PCDH12: variants seen among roughly 807,000 people sequenced by gnomAD.
PCDH12 encodes protocadherin 12, also known as protocadherin-12.
A neutral mutation model predicts 70.9 loss-of-function variants in PCDH12; 45 were observed. The observed-to-expected ratio is 0.63, with a 90% CI of 0.50 to 0.81. The LOEUF (loss-of-function observed/expected upper bound fraction) is 0.81, where lower values mean the gene tolerates loss of function less well. PCDH12 is among the 40% of genes least tolerant of loss of function. The pLI, the probability that PCDH12 is intolerant of heterozygous loss-of-function variation, is 0.00. For missense variants in PCDH12, 1,370 were observed against 1,491.7 expected (o/e 0.92, Z 1.34); for synonymous variants, 567 against 626.0 (o/e 0.91, Z 1.41).
chr5:141,947,500 C>G (rs1455295613), intron 3 of PCDH12, among the ~76,000 whole-genome samples: 1 of 152,178 alleles, frequency 6.6e-6, no homozygotes, highest in Non-Finnish European at 1.5e-5. Context: ...CATCACCCAC[C>G]AGTTCTAGCT....
chr5:141,952,952 T>C (rs1350529209), intron 1 of PCDH12: 2 of 152,202 alleles, frequency 1.3e-5, no homozygotes, highest in Non-Finnish European at 2.9e-5. Flanking sequence ...GAAGAGGAGA[T>C]GGCCAGGACT....
In PCDH12 at chr5:141,955,506, C is replaced by G. The variant is rs375566712; in HGVS notation, c.2346G>C (p.Arg782Ser). The change falls in exon 1 of 4, where the codon AGG becomes AGC. Residue 782 changes from arginine to serine, a missense_variant. Physicochemically the swap from Arg to Ser is moderately radical, Grantham distance 110. Coordinates refer to ENST00000231484, the MANE Select transcript of PCDH12 (RefSeq NM_016580.4). This position sits in a 1 kb window ranked among gnomAD's most constrained non-coding sequence, Gnocchi z 5.5. ...KADIHLVPVL[R>S]GQAGEPCEVG... ...CTTCACAAGGCTCACCTGCCTGACC[C>G]CTGAGCACAGGCACGAGGTGGATGT... 3 of 1,614,180 alleles carry G rather than the reference C, an allele frequency of 1.9e-6. No homozygotes were observed. Among genetic ancestry groups the G allele is most frequent in the Non-Finnish European group, 2.5e-6 (3 of 1,180,032 alleles).
In PCDH12 at chr5:141,951,345, A is replaced by G. The variant is rs1025372361; in HGVS notation, c.2978+148T>C. On this transcript the variant is annotated intron_variant, in intron 2 of 3. Transcript: ENST00000231484. ...CAGTCACCTCACGACCAAAACTCCCAGGGTGGGAGGATGGATGCTGTCTGC... is the reference window on the plus strand; with the variant it reads ...CAGTCACCTCACGACCAAAACTCCCGGGGTGGGAGGATGGATGCTGTCTGC... 38 of 638,214 alleles carry G rather than the reference A, an allele frequency of 6.0e-5. No individual in the cohort carries two copies. The African/African-American group carries it at 6.3e-4, about 11-fold the overall frequency. 39.5% of individuals were successfully genotyped at this position (638,214 alleles called of 1,614,324 possible). A position where few individuals can be genotyped will look rare whatever the true frequency, so the allele number is the denominator to read the frequency against.
rs780025761 is a variant in PCDH12 at position 141,957,901 on chromosome 5, G to C, written c.-50C>G. On this transcript the variant is annotated 5_prime_UTR_variant, in exon 1 of 4. Transcript: ENST00000231484. The surrounding 1 kb of genome is among the most constrained non-coding windows in gnomAD (Gnocchi z 4.3). Reference sequence around the variant, plus strand: ...CAGAAACCACTAGAGTTCTTTCAAGGCTGGACAAGTCCTCCAGTGTTTCCT... The same window carrying C: ...CAGAAACCACTAGAGTTCTTTCAAGCCTGGACAAGTCCTCCAGTGTTTCCT... 1.9e-6 allele frequency: 3 copies of C among 1,556,636 alleles called. No individual in the cohort carries two copies. The highest frequency in any genetic ancestry group is 1.7e-6 in the Non-Finnish European group (2 of 1,157,172).
Position 141,957,612 on chromosome 5 carries a change from G to A in PCDH12, c.240C>T (p.Asp80=). Residue 80 remains aspartate, a synonymous_variant, in exon 1 of 4, where the codon GAC becomes GAT. Coordinates refer to ENST00000231484, the MANE Select transcript of PCDH12 (RefSeq NM_016580.4). This position sits in a 1 kb window ranked among gnomAD's most constrained non-coding sequence, Gnocchi z 4.3. ...QLPQALPIQV[D]SEEGLLSTGR... ...CTGTGCTGAGCAAGCCTTCCTCAGA[G>A]TCCACCTGAATGGGGAGCGCCTGAG... The A allele has an allele frequency of 6.2e-7, 1 of 1,614,192 alleles. No individual in the cohort carries two copies. The highest frequency in any genetic ancestry group is 8.5e-7 in the Non-Finnish European group (1 of 1,180,024).
At chr5:141,953,527 A>C (rs1282486967) in intron 1 of PCDH12, among the ~76,000 whole-genome samples, 1 of 152,202 alleles carries the variant, frequency 6.6e-6, no homozygotes, top group Admixed American at 6.5e-5. Context: ...ATCTGACTCT[A>C]TGTGCTGCTG....
At chr5:141,949,689 A>G in intron 2 of PCDH12, 106 bp from the exon 3 acceptor site, 1 of 1,380,104 alleles carries the variant, frequency 7.2e-7, no homozygotes. Context: ...GGAACTGGAT[A>G]CACAGCCTGG....
At position 141,956,306 on chromosome 5, in the gene PCDH12, C is replaced by G; in HGVS notation, c.1546G>C (p.Glu516Gln). ...HLVAIDSNTG[E>Q]VTAQRSLNYE... Reference sequence around the variant, plus strand: ...TTCAGTGACCTCTGAGCAGTGACCTCTCCTGTGTTGGAGTCAATAGCTACT... The same window carrying G: ...TTCAGTGACCTCTGAGCAGTGACCTGTCCTGTGTTGGAGTCAATAGCTACT... Residue 516 changes from glutamate to glutamine, a missense_variant, in exon 1 of 4, where the codon GAG becomes CAG. By Grantham distance (29) the Glu-to-Gln change is conservative (BLOSUM62 2). Coordinates refer to ENST00000231484, the MANE Select transcript of PCDH12 (RefSeq NM_016580.4). The G allele has an allele frequency of 6.2e-7, 1 of 1,614,198 alleles. No homozygotes were observed. Among genetic ancestry groups the G allele is most frequent in the Non-Finnish European group, 8.5e-7 (1 of 1,180,030 alleles).
chr5:141,945,049 A>C lies in PCDH12; in HGVS notation c.*332T>G, dbSNP rs1437264324. The C allele has an allele frequency of 1.3e-5, 4 of 314,148 alleles. No individual in the cohort carries two copies. The highest frequency in any genetic ancestry group is 2.3e-5 in the Non-Finnish European group (4 of 170,486). The allele number at this position is 314,148 out of a possible 1,614,324, so 19.5% of individuals were successfully genotyped here. A position where few individuals can be genotyped will look rare whatever the true frequency, so the allele number is the denominator to read the frequency against. ...ACAGCCCCCTGACTCCTGCTACCCA[A>C]GAAGGCCACCCTTTCCTGCCTGTGA... On this transcript the variant is annotated 3_prime_UTR_variant, in exon 4 of 4. Coordinates refer to ENST00000231484, the MANE Select transcript of PCDH12 (RefSeq NM_016580.4).
chr5:141,950,514 C>G (rs1753057885), intron 2 of PCDH12, among the ~76,000 whole-genome samples: 1 of 152,166 alleles, frequency 6.6e-6, no homozygotes, highest in Non-Finnish European at 1.5e-5. Flanking sequence ...GTAAGGGGTT[C>G]TCTTTAATCA....
chr5:141,954,513 T>G (rs1421750613), intron 1 of PCDH12, among the ~76,000 whole-genome samples: 1 of 152,188 alleles, frequency 6.6e-6, no homozygotes, highest in Non-Finnish European at 1.5e-5. Context: ...ATGGGTGGTG[T>G]TAACATAGAC....
At chr5:141,949,678 G>C in intron 2 of PCDH12, 95 bp from the exon 3 acceptor site, 1 of 1,460,416 alleles carries the variant, frequency 6.8e-7, no homozygotes, top group Non-Finnish European at 9.3e-7. Context: ...TACCCATATA[G>C]GGAACTGGAT....
Position 141,957,147 on chromosome 5 carries a change from C to G in PCDH12, c.705G>C (p.Leu235Phe), listed in dbSNP as rs185425542. ...SGTSLVKVNVLDSNDNSPAFA... is the reference protein window; with the variant it reads ...SGTSLVKVNVFDSNDNSPAFA... ...ACGCAGGGCTATTGTCATTGGAGTC[C>G]AAGACGTTGACCTTGACCAAGCTGG... is the stretch of plus-strand genomic sequence containing the variant. The change falls in exon 1 of 4, where the codon TTG (leucine) becomes TTC (phenylalanine). Residue 235 changes from leucine (L) to phenylalanine (F), a missense_variant. By Grantham distance (22) the Leu-to-Phe change is conservative. Transcript: ENST00000231484. This position sits in a 1 kb window ranked among gnomAD's most constrained non-coding sequence, Gnocchi z 4.3. 1.3e-5 allele frequency: 21 copies of G among 1,613,988 alleles called. No homozygotes were observed. Among genetic ancestry groups the G allele is most frequent in the Non-Finnish European group, 1.8e-5 (21 of 1,180,006 alleles).
Position 141,955,796 on chromosome 5 carries a change from G to T in PCDH12, c.2056C>A (p.Gln686Lys). The change falls in exon 1 of 4, where the codon CAG (glutamine) becomes AAG (lysine). Residue 686 changes from glutamine (Q) to lysine (K), a missense_variant. Coordinates refer to ENST00000231484, the MANE Select transcript of PCDH12 (RefSeq NM_016580.4). The surrounding 1 kb of genome is among the most constrained non-coding windows in gnomAD (Gnocchi z 5.5). ...VVEDQGSPPLQTRALLRVMFV... is the reference protein window; with the variant it reads ...VVEDQGSPPLKTRALLRVMFV... ...ATGACCCTCAACAGGGCTCGGGTCTGTAAGGGGGGGCTTCCCTGGTCCTCT... is the reference window on the plus strand; with the variant it reads ...ATGACCCTCAACAGGGCTCGGGTCTTTAAGGGGGGGCTTCCCTGGTCCTCT... 6.2e-7 allele frequency: 1 copy of T among 1,613,914 alleles called. No individual in the cohort carries two copies. Among genetic ancestry groups the T allele is most frequent in the East Asian group, 2.2e-5 (1 of 44,864 alleles).
In PCDH12 at chr5:141,944,144, C is replaced by G. The variant is rs952275576; in HGVS notation, c.*1237G>C. On this transcript the variant is annotated 3_prime_UTR_variant, in exon 4 of 4. Transcript: ENST00000231484. ...GAAAATATCTGCTGTTTCTTCCCTCCCCCATCCCCTGGAAGGCTGGCTGCT... is the reference window on the plus strand; with the variant it reads ...GAAAATATCTGCTGTTTCTTCCCTCGCCCATCCCCTGGAAGGCTGGCTGCT... The G allele has an allele frequency of 2.6e-5, 4 of 152,252 alleles. No homozygotes were observed. The highest frequency in any genetic ancestry group is 5.9e-5 in the Non-Finnish European group (4 of 68,096). 9.4% of individuals were successfully genotyped at this position (152,252 alleles called of 1,614,324 possible).
Position 141,955,561 on chromosome 5 carries a change from T to C in PCDH12, c.2291A>G (p.Lys764Arg). 6.2e-7 allele frequency: 1 copy of C among 1,614,186 alleles called. No individual in the cohort carries two copies. Reference protein sequence around the residue: ...EAESTYRQQPKRPQKHIQKAD... With the variant: ...EAESTYRQQPRRPQKHIQKAD... ...CTTCTGAATGTGTTTCTGGGGCCTC[T>C]TGGGCTGCTGGCGGTAGGTGGACTC... is the stretch of plus-strand genomic sequence containing the variant. Residue 764 changes from lysine (K) to arginine (R), a missense_variant, in exon 1 of 4, where the codon AAG (lysine) becomes AGG (arginine). Transcript: ENST00000231484. This position sits in a 1 kb window ranked among gnomAD's most constrained non-coding sequence, Gnocchi z 5.5.
chr5:141,946,618 C>T (rs1752937177), intron 3 of PCDH12, among the ~76,000 whole-genome samples: 1 of 152,234 alleles, frequency 6.6e-6, no homozygotes, highest in Non-Finnish European at 1.5e-5. Flanking sequence ...AACATCATCT[C>T]TCAAGCTGCT....
intron 1 of PCDH12, among the ~76,000 whole-genome samples, chr5:141,953,669 A>G (rs555171767): frequency 6.6e-6 from 1 of 152,360 alleles, no homozygotes; most frequent in Admixed American, 6.5e-5. Flanking sequence ...AGCAGCCAGC[A>G]CAGTGTTCAG....
chr5:141,947,421 T>C (rs902592790), intron 3 of PCDH12, among the ~76,000 whole-genome samples: 3 of 151,944 alleles, frequency 2.0e-5, no homozygotes, highest in Non-Finnish European at 4.4e-5. Flanking sequence ...TCAGAAGGAG[T>C]GAAGCTTGGA....
Sources: allele counts gnomAD v4.1 joint callset (sites outside exome capture counted in the v4.1 genomes callset), GRCh38; gene constraint gnomAD v4.1.1; non-coding constraint Gnocchi (gnomAD v3.1); transcripts MANE v1.5; gene names NCBI Gene and HGNC (gene_info 2026-07-23, HGNC 2026-07-21).